The following CCDC192 variants were observed in gnomAD, a reference collection of about 807,000 sequenced individuals.
CCDC192 encodes coiled-coil domain containing 192.
intron 3 of CCDC192, among the ~76,000 whole-genome samples, chr5:127,778,802 G>C (rs1756019454): frequency 1.3e-5 from 2 of 151,120 alleles, no homozygotes. Context: ...TTTAATTGTT[G>C]TAGGTCAATT....
chr5:127,859,135 G>C (rs1009516343), intron 5 of CCDC192, among the ~76,000 whole-genome samples: 2 of 152,176 alleles, frequency 1.3e-5, no homozygotes, highest in African/African-American at 4.8e-5. Context: ...CCTTTGAGGA[G>C]AAATCCATTA....
At chr5:127,812,634 A>C (rs1435908316) in intron 5 of CCDC192, among the ~76,000 whole-genome samples, 2 of 152,340 alleles carry the variant, frequency 1.3e-5, no homozygotes, top group South Asian at 4.1e-4. Flanking sequence ...TGTTGAGCCC[A>C]AGATATTACT....
rs369381822 is a variant in CCDC192 at position 127,723,083 on chromosome 5, A to G, written c.114+15323A>G. Among the ~76,000 whole-genome samples the G allele has an allele frequency of 1.4e-4, 21 of 152,288 alleles. No individual in the cohort carries two copies. In the South Asian group the frequency reaches 2.3e-3, roughly 17 times the overall value. Reference sequence around the variant, plus strand: ...TTAAAAATATTTATTCTTCCAGACCATGAACATGGAATGTTGTTTCCTTTT... The same window carrying G: ...TTAAAAATATTTATTCTTCCAGACCGTGAACATGGAATGTTGTTTCCTTTT... On this transcript the variant is annotated intron_variant, in intron 2 of 6. Coordinates refer to ENST00000514853, the MANE Select transcript of CCDC192 (RefSeq NM_001317938.2).
intron 2 of CCDC192, among the ~76,000 whole-genome samples, chr5:127,714,450 G>T (rs1478693028): frequency 6.6e-6 from 1 of 152,132 alleles, no homozygotes; most frequent in Admixed American, 6.5e-5. Context: ...GTGCAGTGGT[G>T]TAGTCTTGGC....
At chr5:127,792,868 T>C (rs1302252192) in intron 3 of CCDC192, among the ~76,000 whole-genome samples, 1 of 151,066 alleles carries the variant, frequency 6.6e-6, no homozygotes, top group Non-Finnish European at 1.5e-5. Context: ...GAATACAAAT[T>C]GTGGAGTTGA....
At chr5:127,905,544 A>G (rs1279088704) in intron 6 of CCDC192, among the ~76,000 whole-genome samples, 1 of 152,198 alleles carries the variant, frequency 6.6e-6, no homozygotes, top group Non-Finnish European at 1.5e-5. Context: ...CAAGTTCACA[A>G]TTTATGTGAT....
chr5:127,796,697 C>T (rs926773575), intron 3 of CCDC192, among the ~76,000 whole-genome samples: 5 of 152,152 alleles, frequency 3.3e-5, no homozygotes, highest in Non-Finnish European at 5.9e-5. Context: ...CCCACTCTTT[C>T]TAGATTGCTG....
chr5:127,930,358 G>A (rs764654300), intron 6 of CCDC192, among the ~76,000 whole-genome samples: 11 of 152,170 alleles, frequency 7.2e-5, no homozygotes, highest in Non-Finnish European at 1.2e-4. Flanking sequence ...TTCATCTATT[G>A]TCTTCTATCT....
chr5:127,795,105 C>A lies in CCDC192; in HGVS notation c.223-1998C>A, dbSNP rs575135878. 4.8e-4 allele frequency among the ~76,000 whole-genome samples: 73 copies of A among 152,064 alleles called. 1 individual carries two copies. The highest frequency in any genetic ancestry group is 1.7e-3 in the African/African-American group (72 of 41,492). Reference sequence around the variant, plus strand: ...CTCAGGAGGTCAAGACCAGCCTGGGCAACATGGTGAAAACTCATCTCAAAA... The same window carrying A: ...CTCAGGAGGTCAAGACCAGCCTGGGAAACATGGTGAAAACTCATCTCAAAA... On this transcript the variant is annotated intron_variant, in intron 3 of 6. Coordinates refer to ENST00000514853, the MANE Select transcript of CCDC192 (RefSeq NM_001317938.2).
intron 2 of CCDC192, among the ~76,000 whole-genome samples, chr5:127,737,444 G>T (rs62373504): frequency 1.3e-5 from 2 of 151,526 alleles, no homozygotes; most frequent in Admixed American, 6.6e-5. Flanking sequence ...TGTCTATTAG[G>T]TCCGCTTGGT....
chr5:127,783,809 A>T lies in CCDC192; in HGVS notation c.223-13294A>T, dbSNP rs529278295. On this transcript the variant is annotated intron_variant, in intron 3 of 6. Coordinates refer to ENST00000514853, the MANE Select transcript of CCDC192 (RefSeq NM_001317938.2). Reference sequence around the variant, plus strand: ...TAAGTAATTGTTTTACAAATTTGGGAGCTCCAGTGTTAGGTGCATATATAT... The same window carrying T: ...TAAGTAATTGTTTTACAAATTTGGGTGCTCCAGTGTTAGGTGCATATATAT... Among the ~76,000 whole-genome samples, 14 of 152,060 alleles carry T rather than the reference A, an allele frequency of 9.2e-5. No homozygotes were observed. In the South Asian group the frequency reaches 2.9e-3, roughly 32 times the overall value.
chr5:127,751,310 G>C (rs1300640969), intron 2 of CCDC192, among the ~76,000 whole-genome samples: 2 of 151,822 alleles, frequency 1.3e-5, no homozygotes, highest in African/African-American at 2.4e-5. Flanking sequence ...GGCAGGCCTG[G>C]TGGTGACAAA....
chr5:127,939,157 G>A (rs776373417), intron 6 of CCDC192, among the ~76,000 whole-genome samples: 10 of 113,428 alleles, frequency 8.8e-5, no homozygotes, highest in Admixed American at 2.7e-4. Context: ...TCACTCTGTC[G>A]CCCAGGCTGG....
At chr5:127,734,938 C>A (rs1257482421) in intron 2 of CCDC192, among the ~76,000 whole-genome samples, 13 of 149,238 alleles carry the variant, frequency 8.7e-5, no homozygotes, top group Non-Finnish European at 1.6e-4. Context: ...TTAATTAGAT[C>A]CCATTTGTCA....
intron 3 of CCDC192, among the ~76,000 whole-genome samples, chr5:127,782,757 C>T (rs945688950): frequency 1.3e-5 from 2 of 151,972 alleles, no homozygotes; most frequent in Non-Finnish European, 2.9e-5. Flanking sequence ...TTTCAAAGAA[C>T]CAGCTTTTGG....
intron 5 of CCDC192, among the ~76,000 whole-genome samples, chr5:127,800,395 A>C (rs1159552299): frequency 1.9e-4 from 26 of 138,748 alleles, no homozygotes; most frequent in Non-Finnish European, 3.7e-4. Flanking sequence ...AAAAAAAAAA[A>C]AAAAAACAAC....
At chr5:127,714,376 T>C (rs1751504522) in intron 2 of CCDC192, among the ~76,000 whole-genome samples, 1 of 152,136 alleles carries the variant, frequency 6.6e-6, no homozygotes, top group African/African-American at 2.4e-5. Context: ...GGCTGTTGGA[T>C]CATAGGGTAG....
intron 3 of CCDC192, among the ~76,000 whole-genome samples, chr5:127,777,148 A>G (rs991206910): frequency 6.6e-6 from 1 of 152,230 alleles, no homozygotes; most frequent in East Asian, 1.9e-4. Flanking sequence ...ATGCCAGCCT[A>G]TAAAAGCAGC....
intron 5 of CCDC192, among the ~76,000 whole-genome samples, chr5:127,818,468 T>A (rs76605755): frequency 0.014 from 2,092 of 152,286 alleles, 50 homozygotes; most frequent in African/African-American, 0.047. Flanking sequence ...ACTTTTAACA[T>A]TTCCTCAAGT....
Sources: gnomAD v4.1 joint callset for allele counts (sites outside exome capture counted in the v4.1 genomes callset) on GRCh38, gnomAD v4.1.1 for gene constraint, MANE v1.5 for transcripts, NCBI Gene and HGNC (gene_info 2026-07-23, HGNC 2026-07-21) for gene names.